Variants in KCNIP4 observed in about 807,000 individuals in gnomAD.
KCNIP4 encodes potassium voltage-gated channel interacting protein 4.
A neutral mutation model predicts 34.0 loss-of-function variants in KCNIP4; 12 were observed. That is an observed-to-expected ratio of 0.35 (90% CI 0.23 to 0.57). The LOEUF (loss-of-function observed/expected upper bound fraction) is 0.57, where lower values mean the gene tolerates loss of function less well. KCNIP4 is among the 20% of genes least tolerant of loss of function. KCNIP4 has a pLI of 0.83. For synonymous variants in KCNIP4, 124 were observed against 102.2 expected (o/e 1.21, Z -1.29); for missense variants, 238 against 311.7 (o/e 0.76, Z 1.78).
chr4:21,007,261 G>A (rs1400216134), intron 1 of KCNIP4, among the ~76,000 whole-genome samples: 1 of 152,140 alleles, frequency 6.6e-6, no homozygotes, highest in Non-Finnish European at 1.5e-5. Context: ...GAGTTTTCCT[G>A]AAGGCCTGAG....
chr4:20,838,925 C>T (rs1197001615), intron 3 of KCNIP4, among the ~76,000 whole-genome samples: 1 of 152,112 alleles, frequency 6.6e-6, no homozygotes, highest in African/African-American at 2.4e-5. Flanking sequence ...TTAAAAACTA[C>T]CTACATTTTA....
intron 1 of KCNIP4, among the ~76,000 whole-genome samples, chr4:21,121,741 T>G (rs985171695): frequency 4.6e-5 from 7 of 152,208 alleles, no homozygotes; most frequent in African/African-American, 1.7e-4. Context: ...CATAACCTTT[T>G]GCTTATCTAG....
At chr4:20,752,954 T>A (rs573243943) in intron 4 of KCNIP4, 2 of 152,344 alleles carry the variant, frequency 1.3e-5, no homozygotes, top group South Asian at 2.1e-4. Flanking sequence ...TTAAAAGATA[T>A]AACAATGATC....
chr4:21,929,318 A>G (rs1290647007), intron 1 of KCNIP4, among the ~76,000 whole-genome samples: 1 of 152,144 alleles, frequency 6.6e-6, no homozygotes, highest in Non-Finnish European at 1.5e-5. Flanking sequence ...TATTTATTTT[A>G]TGGAAAAAAA....
chr4:21,143,709 C>CTT lies in KCNIP4; in HGVS notation c.62-261002_62-261001dup, dbSNP rs57796174. Reference sequence around the variant, plus strand: ...TGTTTAACCACAGCCATCACAGTTTCTTTTTTTTTTTTGAGATGGAGTCTC... The same window carrying CTT: ...TGTTTAACCACAGCCATCACAGTTTCTTTTTTTTTTTTTTGAGATGGAGTCTC... On this transcript the variant is annotated intron_variant, in intron 1 of 8. Transcript: ENST00000382152. 4.8e-5 allele frequency among the ~76,000 whole-genome samples: 7 copies of CTT among 147,134 alleles called. No homozygotes were observed. The South Asian group carries it at 8.6e-4, about 18-fold the overall frequency.
intron 1 of KCNIP4, among the ~76,000 whole-genome samples, chr4:21,757,605 A>G (rs1157036692): frequency 1.3e-5 from 2 of 152,168 alleles, no homozygotes; most frequent in Admixed American, 1.3e-4. Context: ...TGAGCCAGAG[A>G]CTTGGAATCA....
intron 1 of KCNIP4, among the ~76,000 whole-genome samples, chr4:20,980,829 T>C (rs1191707301): frequency 6.6e-6 from 1 of 151,314 alleles, no homozygotes; most frequent in Non-Finnish European, 1.5e-5. Context: ...AAAAAGAGGC[T>C]AATTCTCTGG....
At chr4:20,742,142 C>T (rs1464007456) in intron 5 of KCNIP4, among the ~76,000 whole-genome samples, 1 of 152,118 alleles carries the variant, frequency 6.6e-6, no homozygotes, top group Non-Finnish European at 1.5e-5. Flanking sequence ...ACCAGAGGTA[C>T]AAAGAGGAGC....
intron 2 of KCNIP4, among the ~76,000 whole-genome samples, chr4:20,854,955 G>A (rs1049761369): frequency 2.6e-5 from 4 of 152,182 alleles, no homozygotes; most frequent in African/African-American, 9.6e-5. Context: ...GCCCATAGAT[G>A]TTTGGAAAAT....
chr4:21,748,534 T>C (rs17563769), intron 1 of KCNIP4, among the ~76,000 whole-genome samples: 13,973 of 152,196 alleles, frequency 0.092, 678 homozygotes, highest in Middle Eastern at 0.18. Context: ...AGTACATATG[T>C]GGTTTACCTT....
At chr4:21,344,394 A>G (rs901492495) in intron 1 of KCNIP4, among the ~76,000 whole-genome samples, 1 of 152,190 alleles carries the variant, frequency 6.6e-6, no homozygotes, top group Non-Finnish European at 1.5e-5. Context: ...TGGATGTAGC[A>G]TAAGATCCAT....
At chr4:21,513,511 A>G (rs1167017655) in intron 1 of KCNIP4, among the ~76,000 whole-genome samples, 2 of 152,166 alleles carry the variant, frequency 1.3e-5, no homozygotes, top group Non-Finnish European at 2.9e-5. Context: ...AAATCAGAAA[A>G]ACATGGGTTT....
chr4:20,840,658 G>A (rs1016246626), intron 3 of KCNIP4, among the ~76,000 whole-genome samples: 1 of 152,136 alleles, frequency 6.6e-6, no homozygotes, highest in Non-Finnish European at 1.5e-5. Flanking sequence ...CTCAATAAAT[G>A]AGTTGAACAG....
intron 1 of KCNIP4, among the ~76,000 whole-genome samples, chr4:21,652,389 C>T (rs1747567113): frequency 6.6e-6 from 1 of 152,120 alleles, no homozygotes; most frequent in East Asian, 1.9e-4. Context: ...GGAGAAATAC[C>T]TCAGGCCTTC....
At chr4:21,497,298 T>G (rs1732931100) in intron 1 of KCNIP4, among the ~76,000 whole-genome samples, 1 of 152,174 alleles carries the variant, frequency 6.6e-6, no homozygotes, top group Middle Eastern at 3.2e-3. Context: ...ACACACTCAG[T>G]CTTCAGTAAG....
At chr4:21,739,074 C>CA (rs1716221318) in intron 1 of KCNIP4, among the ~76,000 whole-genome samples, 1 of 152,036 alleles carries the variant, frequency 6.6e-6, no homozygotes, top group African/African-American at 2.4e-5. Flanking sequence ...CTGGATTGGC[C>CA]ACTACATTTT....
intron 1 of KCNIP4, among the ~76,000 whole-genome samples, chr4:21,937,967 G>A (rs916613316): frequency 3.3e-5 from 5 of 152,046 alleles, no homozygotes; most frequent in Admixed American, 2.0e-4. Flanking sequence ...TTTTCATACT[G>A]CATCACATCT....
intron 1 of KCNIP4, among the ~76,000 whole-genome samples, chr4:20,993,382 A>G (rs180925214): frequency 5.3e-5 from 8 of 152,340 alleles, no homozygotes; most frequent in Admixed American, 5.2e-4. Flanking sequence ...TGTCCATATT[A>G]CTGTTCATGA....
At position 20,745,620 on chromosome 4, in the gene KCNIP4, A is replaced by G. The variant is rs576062352; in HGVS notation, c.429+4042T>C. On this transcript the variant is annotated intron_variant, in intron 5 of 8. Transcript: ENST00000382152. ...TTCCCTAAAGTACAAAAAATGATAAAGGGGTGGAGAGGTCTGTACCGAATT... is the reference window on the plus strand; with the variant it reads ...TTCCCTAAAGTACAAAAAATGATAAGGGGGTGGAGAGGTCTGTACCGAATT... Among the ~76,000 whole-genome samples the G allele has an allele frequency of 1.3e-4, 20 of 152,284 alleles. No homozygotes were observed. In the South Asian group the frequency reaches 3.7e-3, roughly 28 times the overall value.
Sources: gnomAD v4.1 joint callset for allele counts (sites outside exome capture counted in the v4.1 genomes callset) on GRCh38, gnomAD v4.1.1 for gene constraint, MANE v1.5 for transcripts, NCBI Gene and HGNC (gene_info 2026-07-23, HGNC 2026-07-21) for gene names.